Variants in CIITA observed in about 807,000 individuals in gnomAD.
CIITA encodes the protein class II major histocompatibility complex transactivator.
CIITA carries 72 observed loss-of-function variants against 115.1 expected under a neutral mutation model. The ratio of observed to expected loss-of-function variants is 0.63; its 90% confidence interval spans 0.52 to 0.76. CIITA has a LOEUF of 0.76. CIITA is among the 30% of genes least tolerant of loss of function. The pLI is 0.00. For synonymous variants in CIITA, 763 were observed against 635.6 expected (o/e 1.20, Z -3.02); for missense variants, 1,617 against 1,463.8 (o/e 1.10, Z -1.71).
Position 10,870,157 on chromosome 16 carries a change from C to T in CIITA, c.-21+3838C>T, listed in dbSNP as rs527650110. ...GGGTCTCATGAGTCCTGGCCAATTG[C>T]AGTACTTCCTGCAAAAAAAAAAAAA... is the stretch of plus-strand genomic sequence containing the variant. On this transcript the variant is annotated intron_variant, in intron 1 of 5. Transcript: ENST00000636238. Among the ~76,000 whole-genome samples the T allele has an allele frequency of 1.0e-4, 11 of 105,366 alleles. No homozygotes were observed. The South Asian group carries it at 3.0e-3, about 28-fold the overall frequency. 69.1% of individuals were successfully genotyped at this position (105,366 alleles called of 152,430 possible).
At chr16:10,919,255 G>A (rs981944776) in intron 16 of CIITA, among the ~76,000 whole-genome samples, 1 of 107,520 alleles carries the variant, frequency 9.3e-6, no homozygotes, top group Non-Finnish European at 1.9e-5. Context: ...GTGAAGTGGT[G>A]TGATCTCAGC....
At position 10,929,515 on chromosome 16, in the gene CIITA, A is replaced by T. The variant is rs2040684242; in HGVS notation, c.*5660A>T. On this transcript the variant is annotated 3_prime_UTR_variant, in exon 20 of 20. Coordinates refer to ENST00000324288, the MANE Select transcript of CIITA (RefSeq NM_000246.4). This position sits in a 1 kb window ranked among gnomAD's most constrained non-coding sequence, Gnocchi z 4.3. The stretch of plus-strand genomic sequence containing the variant: ...TCTCTCTTCCACTCTCCTGGGTTCA[A>T]ACAGGAACCTCTCTGTTGGCACGAA... 1.0e-6 allele frequency: 1 copy of T among 985,584 alleles called. No homozygotes were observed. The highest frequency in any genetic ancestry group is 1.2e-6 in the Non-Finnish European group (1 of 829,964). The allele number at this position is 985,584 out of a possible 1,614,324, so 61.1% of individuals were successfully genotyped here.
At chr16:10,874,913 G>T (rs1596403229), upstream of CIITA, among the ~76,000 whole-genome samples, 1 of 152,172 alleles carries the variant, frequency 6.6e-6, no homozygotes, top group Non-Finnish European at 1.5e-5. Flanking sequence ...GCAGTCAGAG[G>T]CGCCTCTCCC....
In CIITA at chr16:10,927,414, G is replaced by T. The variant is rs2040576343; in HGVS notation, c.*3559G>T. 6.6e-6 allele frequency: 1 copy of T among 152,220 alleles called. No homozygotes were observed. Among genetic ancestry groups the T allele is most frequent in the South Asian group, 2.1e-4 (1 of 4,832 alleles). The allele number at this position is 152,220 out of a possible 1,614,324, so 9.4% of individuals were successfully genotyped here. A position where few individuals can be genotyped will look rare whatever the true frequency, so the allele number is the denominator to read the frequency against. ...CCAGCAAGGCGCCTGTGTATAATAG[G>T]TGCTCAATAACATAAAATGAACAAA... is the stretch of plus-strand genomic sequence containing the variant. On this transcript the variant is annotated 3_prime_UTR_variant, in exon 20 of 20. Transcript: ENST00000324288.
chr16:10,911,218 CTT>C (rs2039542074), intron 13 of CIITA, among the ~76,000 whole-genome samples: 3 of 151,444 alleles, frequency 2.0e-5, no homozygotes, highest in Admixed American at 1.3e-4. Flanking sequence ...TTTCTTCTCT[CTT>C]TCTTTTTCTT....
Position 10,930,248 on chromosome 16 carries a change from C to T in CIITA, c.*6393C>T, listed in dbSNP as rs4072865. On this transcript the variant is annotated 3_prime_UTR_variant, in exon 20 of 20. Transcript: ENST00000324288. ...CCCAGCTCACTATCCTTTCCGCAAACTTCACTGAACATCTCGCAGAACTTG... is the reference window on the plus strand; with the variant it reads ...CCCAGCTCACTATCCTTTCCGCAAATTTCACTGAACATCTCGCAGAACTTG... 0.41 allele frequency: 63,141 copies of T among 152,152 alleles called. 14,917 individuals are homozygous for T. The highest frequency in any genetic ancestry group is 0.57 in the East Asian group (2,975 of 5,174). 9.4% of individuals were successfully genotyped at this position (152,152 alleles called of 1,614,324 possible).
At chr16:10,889,539 A>G (rs997939658) in intron 1 of CIITA, among the ~76,000 whole-genome samples, 2 of 149,108 alleles carry the variant, frequency 1.3e-5, no homozygotes, top group African/African-American at 5.0e-5. Flanking sequence ...TTTTTTTTTG[A>G]GATGGTATCT....
rs144597413 is a variant in CIITA, at chr16:10,906,837, T to G, written c.1345T>G (p.Phe449Val). ...CGRLPQYDFV[F>V]SVPCHCLNRP... is the part of the protein sequence containing the mutation. ...CCGGCTTCCCCAGTACGACTTTGTCTTCTCTGTCCCCTGCCATTGCTTGAA... is the reference window on the plus strand; with the variant it reads ...CCGGCTTCCCCAGTACGACTTTGTCGTCTCTGTCCCCTGCCATTGCTTGAA... The change falls in exon 11 of 20, where the codon TTC (phenylalanine) becomes GTC (valine). Residue 449 changes from phenylalanine to valine, a missense_variant. Phe to Val is a conservative substitution (Grantham distance 50). Transcript: ENST00000324288. The G allele has an allele frequency of 4.3e-6, 7 of 1,613,164 alleles. No homozygotes were observed. In the African/African-American group the frequency reaches 9.3e-5, roughly 22 times the overall value.
Position 10,929,163 on chromosome 16 carries a change from T to G in CIITA, c.*5308T>G. On this transcript the variant is annotated 3_prime_UTR_variant, in exon 20 of 20. Transcript: ENST00000324288. This position sits in a 1 kb window ranked among gnomAD's most constrained non-coding sequence, Gnocchi z 4.3. The stretch of plus-strand genomic sequence containing the variant: ...TCTGAGTCACCCCTGAAACAGTCGC[T>G]GCATCTAAGACCAGCCTCGGGCTAA... The G allele has an allele frequency of 1.0e-6, 1 of 963,342 alleles. No homozygotes were observed. The allele number at this position is 963,342 out of a possible 1,614,324, so 59.7% of individuals were successfully genotyped here.
intron 1 of CIITA, among the ~76,000 whole-genome samples, chr16:10,887,241 G>T (rs975682932): frequency 1.3e-5 from 2 of 152,090 alleles, no homozygotes; most frequent in Admixed American, 1.3e-4. Context: ...GCAGGTTGGT[G>T]TTGGGGGGGG....
In CIITA at chr16:10,929,357, G is replaced by A. The variant is rs932124165; in HGVS notation, c.*5502G>A. 11 of 985,812 alleles carry A rather than the reference G, an allele frequency of 1.1e-5. No individual in the cohort carries two copies. The highest frequency in any genetic ancestry group is 1.1e-4 in the East Asian group (1 of 8,830). 61.1% of individuals were successfully genotyped at this position (985,812 alleles called of 1,614,324 possible). ...GGCTGGGTTCCTGTAAACATCCATC[G>A]CAGCTGCAAATAATCAGAAGCCAAG... On this transcript the variant is annotated 3_prime_UTR_variant, in exon 20 of 20. Transcript: ENST00000324288. This position sits in a 1 kb window ranked among gnomAD's most constrained non-coding sequence, Gnocchi z 4.3.
Position 10,906,485 on chromosome 16 carries a change from C to T in CIITA, c.1007-14C>T. The T allele has an allele frequency of 1.2e-6, 2 of 1,611,344 alleles. No homozygotes were observed. Among genetic ancestry groups the T allele is most frequent in the Non-Finnish European group, 1.7e-6 (2 of 1,179,798 alleles). On this transcript the variant is annotated splice_polypyrimidine_tract_variant and intron_variant, in intron 10 of 19. Coordinates refer to ENST00000324288, the MANE Select transcript of CIITA (RefSeq NM_000246.4). ...TCACATACCCCCACCCTGACACGCC[C>T]CTGGCCTTTGCAGAGCCGGTGGAGC... is the stretch of plus-strand genomic sequence containing the variant.
chr16:10,892,760 C>G (rs897304919), intron 1 of CIITA, among the ~76,000 whole-genome samples: 6 of 152,124 alleles, frequency 3.9e-5, no homozygotes, highest in Non-Finnish European at 7.3e-5. Flanking sequence ...TGGCAAAACC[C>G]CATTTCTACT....
chr16:10,880,608 G>A (rs923227500), intron 1 of CIITA, among the ~76,000 whole-genome samples: 2 of 152,202 alleles, frequency 1.3e-5, no homozygotes, highest in Non-Finnish European at 1.5e-5. Flanking sequence ...CAGGTCCCAG[G>A]CAGTCAGAGA....
chr16:10,919,859 A>G (rs2040178015), intron 16 of CIITA, among the ~76,000 whole-genome samples: 1 of 152,224 alleles, frequency 6.6e-6, no homozygotes, highest in African/African-American at 2.4e-5. Context: ...AGTAGGAATT[A>G]GGCACATACA....
At chr16:10,887,252 C>A (rs531540130) in intron 1 of CIITA, among the ~76,000 whole-genome samples, 1 of 151,830 alleles carries the variant, frequency 6.6e-6, no homozygotes, top group Admixed American at 6.6e-5. Flanking sequence ...TTGGGGGGGG[C>A]CTTGGGGGAA....
chr16:10,911,220 T>C (rs928704893), intron 13 of CIITA, among the ~76,000 whole-genome samples: 1 of 151,908 alleles, frequency 6.6e-6, no homozygotes. Flanking sequence ...TCTTCTCTCT[T>C]TCTTTTTCTT....
intron 15 of CIITA, chr16:10,916,751 A>C: frequency 2.1e-6 from 1 of 477,608 alleles, no homozygotes; most frequent in Non-Finnish European, 3.9e-6. Context: ...CTTCCATTCA[A>C]TGATTCATCC....
At chr16:10,922,572 T>C (rs1469977494) in intron 18 of CIITA, 82 bp downstream of exon 18, 33 of 1,410,146 alleles carry the variant, frequency 2.3e-5, no homozygotes, top group Non-Finnish European at 3.2e-5. Flanking sequence ...GCTCAAATCA[T>C]GCTCTTCCCT....
Sources: allele counts gnomAD v4.1 joint callset (sites outside exome capture counted in the v4.1 genomes callset), GRCh38; gene constraint gnomAD v4.1.1; non-coding constraint Gnocchi (gnomAD v3.1); transcripts MANE v1.5; gene names NCBI Gene and HGNC (gene_info 2026-07-23, HGNC 2026-07-21).